Variants in KAZN observed in about 807,000 individuals in gnomAD.
KAZN encodes the protein kazrin.
A neutral mutation model predicts 87.4 loss-of-function variants in KAZN; 40 were observed. The ratio of observed to expected loss-of-function variants is 0.46; its 90% CI spans 0.36 to 0.60. The LOEUF (loss-of-function observed/expected upper bound fraction) is 0.60. KAZN is among the 20% of genes least tolerant of loss of function. The pLI, the probability that KAZN is intolerant of heterozygous loss-of-function variation, is 0.00. For synonymous variants in KAZN, 466 were observed against 458.3 expected, an observed-to-expected ratio of 1.02 and a Z score of -0.22; for missense variants, 898 against 1,073.9, an observed-to-expected ratio of 0.84 and a Z score of 2.29.
At chr1:14,548,171 C>A (rs925681975) in intron 2 of KAZN, among the ~76,000 whole-genome samples, 1 of 150,736 alleles carries the variant, frequency 6.6e-6, no homozygotes, top group Non-Finnish European at 1.5e-5. Flanking sequence ...TTTGTACAAG[C>A]TTTTTCAATG....
At chr1:13,973,265 G>A (rs1310496686) in intron 1 of KAZN, among the ~76,000 whole-genome samples, 1 of 152,176 alleles carries the variant, frequency 6.6e-6, no homozygotes, top group Non-Finnish European at 1.5e-5. Flanking sequence ...CCACCACTGT[G>A]CTGGGTATTT....
At chr1:14,033,091 T>A (rs1177600397) in intron 1 of KAZN, among the ~76,000 whole-genome samples, 1 of 152,168 alleles carries the variant, frequency 6.6e-6, no homozygotes, top group Non-Finnish European at 1.5e-5. Context: ...GTTGAAGGAA[T>A]GGAAGAACTT....
intron 2 of KAZN, among the ~76,000 whole-genome samples, chr1:14,397,810 G>A (rs893804692): frequency 5.2e-5 from 7 of 135,550 alleles, no homozygotes; most frequent in South Asian, 2.4e-4. Flanking sequence ...GCCATGAGCC[G>A]AGATCTCACC....
intron 1 of KAZN, among the ~76,000 whole-genome samples, chr1:14,079,864 G>A (rs993499083): frequency 6.6e-6 from 1 of 151,084 alleles, no homozygotes; most frequent in Non-Finnish European, 1.5e-5. Flanking sequence ...CCGCCCCCAT[G>A]ACCCAAACCC....
intron 1 of KAZN, among the ~76,000 whole-genome samples, chr1:14,767,844 A>G (rs994645749): frequency 7.2e-5 from 11 of 152,202 alleles, no homozygotes; most frequent in African/African-American, 2.7e-4. Flanking sequence ...CCACCTGAAA[A>G]GAGGACCTTG....
rs1668559265 is a variant in KAZN, at chr1:14,473,489, T to TGTACA, written c.250-125493_250-125492insTACAG. On this transcript the variant is annotated intron_variant, in intron 2 of 16. Coordinates refer to the KAZN transcript ENST00000636203. ...GAAAAATACAAAAATTAGCTGGGCA[T>TGTACA]GGTGGCATATGCCTGTAGTTCCAGC... is the stretch of plus-strand genomic sequence containing the variant. Among the ~76,000 whole-genome samples the TGTACA allele has an allele frequency of 2.6e-5, 4 of 152,100 alleles. No individual in the cohort carries two copies. The South Asian group carries it at 8.3e-4, about 32-fold the overall frequency.
intron 1 of KAZN, among the ~76,000 whole-genome samples, chr1:14,843,570 A>T (rs1464453629): frequency 6.6e-6 from 1 of 152,210 alleles, no homozygotes; most frequent in Non-Finnish European, 1.5e-5. Context: ...GCTGGGGTGG[A>T]AGAGCCTTTG....
Position 14,380,778 on chromosome 1 carries a change from T to C in KAZN, c.249+200186T>C, listed in dbSNP as rs538067582. ...AAATTTATTAACCCTAAAGAGGAGA[T>C]AGAGAAAGAGACAGGGGTAGAAAGT... On this transcript the variant is annotated intron_variant, in intron 2 of 16. Coordinates refer to the KAZN transcript ENST00000636203. Among the ~76,000 whole-genome samples the C allele has an allele frequency of 7.4e-4, 113 of 152,112 alleles. 1 individual carries two copies. Among genetic ancestry groups the C allele is most frequent in the Middle Eastern group, 3.4e-3 (1 of 294 alleles).
chr1:14,806,362 T>C (rs1010108678), intron 1 of KAZN, among the ~76,000 whole-genome samples: 3 of 152,254 alleles, frequency 2.0e-5, no homozygotes, highest in Non-Finnish European at 4.4e-5. Context: ...CGTGTTCATT[T>C]TTTTGACATT....
chr1:14,672,422 C>A (rs187923396), intron 1 of KAZN, among the ~76,000 whole-genome samples: 2 of 152,316 alleles, frequency 1.3e-5, no homozygotes, highest in Admixed American at 6.5e-5. Flanking sequence ...TGATGTGGCC[C>A]GAACCCTCCC....
At chr1:14,558,052 C>T (rs1674019035) in intron 2 of KAZN, among the ~76,000 whole-genome samples, 1 of 152,206 alleles carries the variant, frequency 6.6e-6, no homozygotes, top group African/African-American at 2.4e-5. Context: ...CAGTGCCACT[C>T]TTGTGATAAC....
At chr1:13,936,662 A>G (rs1321175233) in intron 1 of KAZN, among the ~76,000 whole-genome samples, 1 of 152,168 alleles carries the variant, frequency 6.6e-6, no homozygotes, top group Non-Finnish European at 1.5e-5. Flanking sequence ...CACTTAGGAT[A>G]ATGGACTCCA....
intron 1 of KAZN, among the ~76,000 whole-genome samples, chr1:14,931,922 C>G (rs1659875590): frequency 6.6e-6 from 1 of 152,120 alleles, no homozygotes; most frequent in Non-Finnish European, 1.5e-5. Context: ...AACCCCTGTC[C>G]GGGCACGCGT....
intron 1 of KAZN, among the ~76,000 whole-genome samples, chr1:14,031,540 A>G (rs1641328279): frequency 6.6e-6 from 1 of 152,204 alleles, no homozygotes; most frequent in African/African-American, 2.4e-5. Flanking sequence ...ATGAAAAGAT[A>G]TGTTTTAGGA....
chr1:15,075,095 G>A (rs1007705750), intron 8 of KAZN, among the ~76,000 whole-genome samples: 1 of 152,176 alleles, frequency 6.6e-6, no homozygotes. Flanking sequence ...TAGGACCAGA[G>A]GGAGCAAGAG....
At chr1:14,144,779 T>A (rs1645310640) in intron 1 of KAZN, among the ~76,000 whole-genome samples, 1 of 152,184 alleles carries the variant, frequency 6.6e-6, no homozygotes, top group South Asian at 2.1e-4. Flanking sequence ...AGAGATCACA[T>A]GGCACGAAAG....
At chr1:14,350,125 C>G (rs1394267308) in intron 2 of KAZN, among the ~76,000 whole-genome samples, 1 of 127,114 alleles carries the variant, frequency 7.9e-6, no homozygotes, top group Non-Finnish European at 1.6e-5. Context: ...CAGAGCAAGA[C>G]TCCATCTCAA....
chr1:14,861,482 G>C (rs916308982), intron 1 of KAZN, among the ~76,000 whole-genome samples: 4 of 152,186 alleles, frequency 2.6e-5, no homozygotes, highest in Non-Finnish European at 5.9e-5. Flanking sequence ...GAGACATAAG[G>C]AATGCACTAA....
At chr1:14,292,711 T>A (rs1352860576) in intron 2 of KAZN, among the ~76,000 whole-genome samples, 1 of 152,200 alleles carries the variant, frequency 6.6e-6, no homozygotes, top group African/African-American at 2.4e-5. Context: ...TCCTTTTTCA[T>A]CTGCGTGTTG....
Sources: allele counts gnomAD v4.1 joint callset (sites outside exome capture counted in the v4.1 genomes callset), GRCh38; gene constraint gnomAD v4.1.1; transcripts MANE v1.5; gene names NCBI Gene and HGNC (gene_info 2026-07-23, HGNC 2026-07-21).